SLC2A13: variants seen among roughly 807,000 people sequenced by gnomAD.
The protein encoded by SLC2A13 is proton myo-inositol cotransporter.
In SLC2A13, 32 loss-of-function variants were observed where a neutral mutation model predicts 64.4. That is an observed-to-expected ratio of 0.50 (90% CI 0.37 to 0.67). The LOEUF (loss-of-function observed/expected upper bound fraction) is 0.67. Ranked by LOEUF, SLC2A13 falls within the 30% of genes least tolerant of loss-of-function variation. The pLI, the probability that SLC2A13 is intolerant of heterozygous loss-of-function variation, is 0.00. For synonymous variants in SLC2A13, 338 were observed against 327.1 expected, an observed-to-expected ratio of 1.03 and a Z score of -0.36; for missense variants, 743 against 829.2, an observed-to-expected ratio of 0.90 and a Z score of 1.28.
intron 3 of SLC2A13, among the ~76,000 whole-genome samples, chr12:39,986,116 G>A (rs549627550): frequency 6.6e-6 from 1 of 151,986 alleles, no homozygotes; most frequent in African/African-American, 2.4e-5. Flanking sequence ...CAATTGTGAG[G>A]GTTCCACCAT....
intron 1 of SLC2A13, among the ~76,000 whole-genome samples, chr12:40,059,427 A>C (rs2136249910): frequency 6.6e-6 from 1 of 152,308 alleles, no homozygotes; most frequent in South Asian, 2.1e-4. Context: ...CTCTCACACC[A>C]CAACAATCAA....
At chr12:40,098,138 T>C (rs1939024648) in intron 1 of SLC2A13, among the ~76,000 whole-genome samples, 1 of 152,018 alleles carries the variant, frequency 6.6e-6, no homozygotes, top group African/African-American at 2.4e-5. Context: ...TGTGTATATA[T>C]ATACACACAC....
At chr12:39,945,705 ATTGT>A (rs916027369) in intron 4 of SLC2A13, among the ~76,000 whole-genome samples, 59 of 152,062 alleles carry the variant, frequency 3.9e-4, no homozygotes, top group Admixed American at 3.3e-3. Context: ...TGAATTTTTT[ATTGT>A]TTTTCTTTAA....
chr12:39,964,066 G>C (rs1317550150), intron 3 of SLC2A13, among the ~76,000 whole-genome samples: 1 of 152,052 alleles, frequency 6.6e-6, no homozygotes, highest in Non-Finnish European at 1.5e-5. Flanking sequence ...CATCTTAAAA[G>C]AAAGAGACGA....
intron 1 of SLC2A13, among the ~76,000 whole-genome samples, chr12:40,092,679 C>G (rs28365175): frequency 1.3e-5 from 2 of 152,144 alleles, no homozygotes; most frequent in Non-Finnish European, 2.9e-5. Context: ...GAATCTGAAA[C>G]GTGGATTGGC....
At chr12:39,951,106 T>C (rs1351423807) in intron 4 of SLC2A13, 151 bp downstream of exon 4, 4 of 565,396 alleles carry the variant, frequency 7.1e-6, no homozygotes, top group South Asian at 4.3e-5. Flanking sequence ...AATTAAAAAA[T>C]TGTAAAGTCA....
At chr12:39,764,913 A>C in intron 7 of SLC2A13, 55 bp from the exon 8 acceptor site, 1 of 1,566,842 alleles carries the variant, frequency 6.4e-7, no homozygotes, top group African/African-American at 1.4e-5. Flanking sequence ...ACAGTTGCAG[A>C]AATTCAATAT....
intron 7 of SLC2A13, among the ~76,000 whole-genome samples, chr12:39,780,568 G>A (rs987191090): frequency 6.6e-6 from 1 of 152,182 alleles, no homozygotes; most frequent in Non-Finnish European, 1.5e-5. Flanking sequence ...TTTTGACTCA[G>A]TATCCATTTG....
chr12:39,988,061 C>A (rs994955307), intron 3 of SLC2A13, among the ~76,000 whole-genome samples: 6 of 152,004 alleles, frequency 3.9e-5, no homozygotes, highest in Non-Finnish European at 8.8e-5. Context: ...TCCAGTTTTT[C>A]GCGACTACAA....
At chr12:39,821,075 C>A (rs2135826621) in intron 7 of SLC2A13, among the ~76,000 whole-genome samples, 1 of 152,106 alleles carries the variant, frequency 6.6e-6, no homozygotes, top group East Asian at 1.9e-4. Context: ...CTTTCACTGC[C>A]CTGTACTATT....
chr12:40,096,745 T>TTA (rs1390198110), intron 1 of SLC2A13, among the ~76,000 whole-genome samples: 4 of 151,854 alleles, frequency 2.6e-5, no homozygotes, highest in Non-Finnish European at 5.9e-5. Context: ...ACCCTATACA[T>TTA]TATATATATA....
At chr12:39,897,357 C>G (rs1944952105) in intron 4 of SLC2A13, among the ~76,000 whole-genome samples, 1 of 152,118 alleles carries the variant, frequency 6.6e-6, no homozygotes. Flanking sequence ...ATCTCACTAC[C>G]CCTTCTTTAA....
chr12:39,954,732 T>C (rs1179802014), intron 3 of SLC2A13, among the ~76,000 whole-genome samples: 2 of 151,802 alleles, frequency 1.3e-5, no homozygotes, highest in East Asian at 3.9e-4. Context: ...GGACATAAAA[T>C]AAAAAATAAC....
intron 2 of SLC2A13, among the ~76,000 whole-genome samples, chr12:40,032,297 G>A (rs749368091): frequency 1.3e-5 from 2 of 152,168 alleles, no homozygotes; most frequent in African/African-American, 2.4e-5. Context: ...ACAAGCAAGC[G>A]CACCAGACAA....
At chr12:40,031,696 C>T (rs932368936) in intron 2 of SLC2A13, among the ~76,000 whole-genome samples, 3 of 152,132 alleles carry the variant, frequency 2.0e-5, no homozygotes, top group Non-Finnish European at 4.4e-5. Flanking sequence ...GCTGTATCAC[C>T]CAACTAAATT....
In SLC2A13 at chr12:40,105,481, T is replaced by G. The variant is rs1370076979; in HGVS notation, c.328A>C (p.Lys110Gln). The G allele has an allele frequency of 1.3e-6, 2 of 1,571,668 alleles. No individual in the cohort carries two copies. The highest frequency in any genetic ancestry group is 3.7e-5 in the Admixed American group (2 of 54,556). The stretch of plus-strand genomic sequence containing the variant: ...AGCGCGTCCAGACTGAGCTGCCGCT[T>G]GAGCAGCAGCATGGCCCCTGACACC... ...GVVSGAMLLL[K>Q]RQLSLDALWQ... The change falls in exon 1 of 10, where the codon AAG (lysine) becomes CAG (glutamine). Residue 110 changes from lysine to glutamine, a missense_variant. By Grantham distance (53) the Lys-to-Gln change is moderately conservative (BLOSUM62 1). Coordinates refer to ENST00000280871, the MANE Select transcript of SLC2A13 (RefSeq NM_052885.4). The surrounding 1 kb of genome is among the most constrained non-coding windows in gnomAD (Gnocchi z 4.2).
At position 40,105,468 on chromosome 12, in the gene SLC2A13, C is replaced by T. The variant is rs1272167368; in HGVS notation, c.341G>A (p.Ser114Asn). 2 of 1,564,190 alleles carry T rather than the reference C, an allele frequency of 1.3e-6. No individual in the cohort carries two copies. Among genetic ancestry groups the T allele is most frequent in the South Asian group, 2.3e-5 (2 of 85,612 alleles). ...GAMLLLKRQL[S>N]LDALWQELLV... ...CAGCTCCTGCCACAGCGCGTCCAGA[C>T]TGAGCTGCCGCTTGAGCAGCAGCAT... The change falls in exon 1 of 10, where the codon AGT becomes AAT. Residue 114 changes from serine to asparagine, a missense_variant. This residue lies in a region of SLC2A13 where 448 missense variants were observed against 447.4 expected (regional missense o/e 1.00). Transcript: ENST00000280871. This position sits in a 1 kb window ranked among gnomAD's most constrained non-coding sequence, Gnocchi z 4.2.
chr12:39,949,123 A>G (rs1354377779), intron 4 of SLC2A13, among the ~76,000 whole-genome samples: 1 of 152,186 alleles, frequency 6.6e-6, no homozygotes, highest in Non-Finnish European at 1.5e-5. Flanking sequence ...ACACTGACTT[A>G]CACTAAATTT....
chr12:39,829,829 T>C, intron 7 of SLC2A13: 1 of 397,346 alleles, frequency 2.5e-6, no homozygotes, highest in South Asian at 3.1e-5. Context: ...TGGCAGTATT[T>C]GTGAATAGCT....
Sources: allele counts gnomAD v4.1 joint callset (sites outside exome capture counted in the v4.1 genomes callset), GRCh38; gene constraint gnomAD v4.1.1; regional missense constraint gnomAD v4.1.1; non-coding constraint Gnocchi (gnomAD v3.1); transcripts MANE v1.5; gene names NCBI Gene and HGNC (gene_info 2026-07-23, HGNC 2026-07-21).